Variants in DIP2C observed in about 807,000 individuals in gnomAD.
DIP2C encodes DIP2 acetate--CoA ligase C (putative), also known as disco-interacting protein 2 homolog C.
A neutral mutation model predicts 192.4 loss-of-function variants in DIP2C; 33 were observed. The ratio of observed to expected loss-of-function variants is 0.17; its 90% CI spans 0.13 to 0.23. DIP2C has a LOEUF of 0.23. Ranked by LOEUF, DIP2C falls within the 10% of genes least tolerant of loss-of-function variation. The pLI, the probability that DIP2C is intolerant of heterozygous loss-of-function variation, is 1.00. For missense variants in DIP2C, 1,537 were observed against 2,110.1 expected (o/e 0.73, Z 5.32); for synonymous variants, 979 against 864.1 (o/e 1.13, Z -2.33).
rs1283471475 is a variant in DIP2C at position 357,381 on chromosome 10, G to C, written c.2904+447C>G. Among the ~76,000 whole-genome samples, 4 of 152,168 alleles carry C rather than the reference G, an allele frequency of 2.6e-5. No individual in the cohort carries two copies. The East Asian group carries it at 7.7e-4, about 29-fold the overall frequency. ...GCCTTGCTGCAAGCTGCTGTGGGCA[G>C]GGTGGGCTTTGAATCCGGGCTGGTG... On this transcript the variant is annotated intron_variant, in intron 23 of 36. Transcript: ENST00000280886.
At chr10:594,957 G>A (rs1350705052) in intron 1 of DIP2C, among the ~76,000 whole-genome samples, 2 of 152,204 alleles carry the variant, frequency 1.3e-5, no homozygotes, top group African/African-American at 4.8e-5. Context: ...AGAGAAGGGA[G>A]AGGAGACAGA....
intron 18 of DIP2C, among the ~76,000 whole-genome samples, chr10:366,739 C>CACA (rs1460076945): frequency 6.6e-6 from 1 of 152,154 alleles, no homozygotes; most frequent in Non-Finnish European, 1.5e-5. Flanking sequence ...GACCACCTGC[C>CACA]ACACCAGACA....
chr10:447,794 G>A (rs1256642746), intron 3 of DIP2C, among the ~76,000 whole-genome samples: 2 of 118,118 alleles, frequency 1.7e-5, no homozygotes, highest in Non-Finnish European at 3.2e-5. Flanking sequence ...ATCACACACA[G>A]TGGGGCAGCA....
At chr10:605,428 T>C (rs1314885420) in intron 1 of DIP2C, among the ~76,000 whole-genome samples, 2 of 152,316 alleles carry the variant, frequency 1.3e-5, no homozygotes, top group African/African-American at 4.8e-5. Flanking sequence ...ATAAAATTCC[T>C]TACAGAAAAA....
rs140601557 is a variant in DIP2C at position 375,837 on chromosome 10, T to C, written c.1992-6204A>G. Among the ~76,000 whole-genome samples, 3 of 150,324 alleles carry C rather than the reference T, an allele frequency of 2.0e-5. No homozygotes were observed. In the East Asian group the frequency reaches 6.0e-4, roughly 30 times the overall value. ...AGCTTCAGTGCCGCTCATCATTTGCTGAATCCCTTAAGCAAGTGAGTCAAC... is the reference window on the plus strand; with the variant it reads ...AGCTTCAGTGCCGCTCATCATTTGCCGAATCCCTTAAGCAAGTGAGTCAAC... On this transcript the variant is annotated intron_variant, in intron 17 of 36. Transcript: ENST00000280886.
At chr10:436,412 G>T (rs1967204939) in intron 4 of DIP2C, among the ~76,000 whole-genome samples, 2 of 152,194 alleles carry the variant, frequency 1.3e-5, no homozygotes, top group South Asian at 4.1e-4. Context: ...GTGGATGGGT[G>T]GAGAGCTCCA....
At position 350,702 on chromosome 10, in the gene DIP2C, G is replaced by A. The variant is rs190305701; in HGVS notation, c.2986-1248C>T. Among the ~76,000 whole-genome samples, 29 of 143,262 alleles carry A rather than the reference G, an allele frequency of 2.0e-4. No individual in the cohort carries two copies. The East Asian group carries it at 4.5e-3, about 22-fold the overall frequency. The allele number at this position is 143,262 out of a possible 152,430, so 94.0% of individuals were successfully genotyped here. On this transcript the variant is annotated intron_variant, in intron 24 of 36. Transcript: ENST00000280886. ...TCGCCAGGCTGGAGTGCAGTGGCGC[G>A]ATCTCAGCTCACGGCAACCTCCGCC...
At chr10:333,682 A>G (rs1211477885) in intron 29 of DIP2C, among the ~76,000 whole-genome samples, 3 of 152,204 alleles carry the variant, frequency 2.0e-5, no homozygotes, top group African/African-American at 7.2e-5. Context: ...CTGCTTAATT[A>G]AGATCATGCC....
intron 1 of DIP2C, among the ~76,000 whole-genome samples, chr10:628,337 C>T (rs1245033354): frequency 6.6e-6 from 1 of 152,220 alleles, no homozygotes; most frequent in Non-Finnish European, 1.5e-5. Flanking sequence ...CCCAAAAATC[C>T]ACCTGTGTCA....
chr10:532,239 T>C (rs1192927300), intron 1 of DIP2C, among the ~76,000 whole-genome samples: 2 of 152,096 alleles, frequency 1.3e-5, no homozygotes, highest in Non-Finnish European at 2.9e-5. Flanking sequence ...CCCATCCAGT[T>C]ACCCACTCAT....
At chr10:574,577 G>A (rs1588492721) in intron 1 of DIP2C, among the ~76,000 whole-genome samples, 1 of 152,182 alleles carries the variant, frequency 6.6e-6, no homozygotes, top group South Asian at 2.1e-4. Context: ...GAAAGAACAG[G>A]TAACATCTTT....
Position 408,914 on chromosome 10 carries a change from A to G in DIP2C, c.1149+12T>C, listed in dbSNP as rs1964997713. 6 of 1,613,736 alleles carry G rather than the reference A, an allele frequency of 3.7e-6. No homozygotes were observed. Among genetic ancestry groups the G allele is most frequent in the Non-Finnish European group, 5.1e-6 (6 of 1,179,790 alleles). On this transcript the variant is annotated intron_variant, in intron 9 of 36. Transcript: ENST00000280886. ...TGTGTTTTGTAGATCCAGCAGTTTA[A>G]GTTGCACTTACCCTATCTCCAGGCC...
intron 17 of DIP2C, among the ~76,000 whole-genome samples, chr10:372,766 C>G (rs1462936612): frequency 6.6e-6 from 1 of 152,104 alleles, no homozygotes. Context: ...TCCCGACACA[C>G]AGGTGGGCAC....
intron 1 of DIP2C, among the ~76,000 whole-genome samples, chr10:541,051 G>A (rs868685830): frequency 7.6e-6 from 1 of 131,484 alleles, no homozygotes; most frequent in Non-Finnish European, 1.6e-5. Context: ...ACCCGATGCT[G>A]GGGAGCCACA....
chr10:319,884 A>T (rs1956932442), intron 31 of DIP2C, among the ~76,000 whole-genome samples: 1 of 152,216 alleles, frequency 6.6e-6, no homozygotes, highest in Non-Finnish European at 1.5e-5. Flanking sequence ...ATCTTAAAAC[A>T]ACTAAGAATT....
At chr10:650,198 G>A (rs1231878492) in intron 1 of DIP2C, 2 of 717,280 alleles carry the variant, frequency 2.8e-6, no homozygotes, top group Non-Finnish European at 5.2e-6. Context: ...GGTGGGTGGT[G>A]CTGGGGAGGC....
intron 1 of DIP2C, among the ~76,000 whole-genome samples, chr10:522,613 C>T (rs1363880159): frequency 6.6e-6 from 1 of 152,266 alleles, no homozygotes; most frequent in Non-Finnish European, 1.5e-5. Context: ...AGTGGCGCCT[C>T]GCCCTACGAC....
chr10:538,004 G>A (rs1412264476), intron 1 of DIP2C, among the ~76,000 whole-genome samples: 1 of 152,076 alleles, frequency 6.6e-6, no homozygotes, highest in African/African-American at 2.4e-5. Context: ...TGGCCAATCT[G>A]GTCTTGAACT....
chr10:631,869 A>C (rs1854539920), intron 1 of DIP2C, among the ~76,000 whole-genome samples: 1 of 152,260 alleles, frequency 6.6e-6, no homozygotes, highest in Non-Finnish European at 1.5e-5. Context: ...TAATAAAATC[A>C]AAAGATCCCT....
Sources: gnomAD v4.1 joint callset for allele counts (sites outside exome capture counted in the v4.1 genomes callset) on GRCh38, gnomAD v4.1.1 for gene constraint, MANE v1.5 for transcripts, NCBI Gene and HGNC (gene_info 2026-07-23, HGNC 2026-07-21) for gene names.